The following RBM39 variants were observed in gnomAD, a reference collection of about 807,000 sequenced individuals.
RBM39 encodes the protein RNA-binding protein 39.
A neutral mutation model predicts 79.6 loss-of-function variants in RBM39; 12 were observed. That is an observed-to-expected ratio of 0.15 (90% confidence interval 0.10 to 0.24). The LOEUF (loss-of-function observed/expected upper bound fraction) is 0.24, where lower values mean the gene tolerates loss of function less well. RBM39 is among the 10% of genes least tolerant of loss of function. RBM39 has a pLI of 1.00. For missense variants in RBM39, 243 were observed against 653.4 expected (o/e 0.37, Z 6.85); for synonymous variants, 185 against 208.4 (o/e 0.89, Z 0.97).
chr20:35,740,335 T>C (rs2040388600), intron 2 of RBM39: 4 of 312,684 alleles, frequency 1.3e-5, no homozygotes, highest in African/African-American at 8.8e-5. Flanking sequence ...ATCTCACCCA[T>C]TTCTTCTTAT....
At position 35,701,982 on chromosome 20, in the gene RBM39, G is replaced by C. The variant is rs2035306577; in HGVS notation, c.*2499C>G. ...GTAAAAAAAAATAGAAACTTCTGTA[G>C]CTTCTCAACTGGCTAAATTCCAGAT... On this transcript the variant is annotated 3_prime_UTR_variant, in exon 17 of 17. Coordinates refer to ENST00000253363, the MANE Select transcript of RBM39 (RefSeq NM_184234.3). The C allele has an allele frequency of 6.6e-6, 1 of 152,104 alleles. No individual in the cohort carries two copies. Among genetic ancestry groups the C allele is most frequent in the Non-Finnish European group, 1.5e-5 (1 of 68,024 alleles). The allele number at this position is 152,104 out of a possible 1,614,324, so 9.4% of individuals were successfully genotyped here.
chr20:35,729,472 T>C lies in RBM39; in HGVS notation c.352A>G (p.Ile118Val), dbSNP rs137904266. 2.5e-6 allele frequency: 4 copies of C among 1,613,648 alleles called. No individual in the cohort carries two copies. The African/African-American group carries it at 4.0e-5, about 16-fold the overall frequency. Residue 118 changes from isoleucine to valine, a missense_variant, in exon 5 of 17, where the codon ATC (isoleucine) becomes GTC (valine). This residue lies in a region of RBM39 where 115 missense variants were observed against 184.1 expected (regional missense o/e 0.62). Coordinates refer to ENST00000253363, the MANE Select transcript of RBM39 (RefSeq NM_184234.3). The stretch of plus-strand genomic sequence containing the variant: ...AGTATGTTTAAAAACCTTAATTTGA[T>C]GCTATGAGGCAACCCAATCTTTCCT... Reference protein sequence around the residue: ...IRGKIGLPHSIKLSRRRSRSK... With the variant: ...IRGKIGLPHSVKLSRRRSRSK...
chr20:35,705,446 A>T, intron 14 of RBM39, 116 bp from the exon 15 acceptor site: 1 of 640,782 alleles, frequency 1.6e-6, no homozygotes, highest in Non-Finnish European at 2.6e-6. Flanking sequence ...TTGGAAAAAA[A>T]GCACATTGAC....
intron 3 of RBM39, chr20:35,734,715 G>A (rs939416634): frequency 3.0e-5 from 28 of 925,752 alleles, no homozygotes; most frequent in Non-Finnish European, 3.9e-5. Context: ...GGCAACCCCA[G>A]GCAGGTAAAA....
intron 8 of RBM39, among the ~76,000 whole-genome samples, chr20:35,723,415 C>T (rs1194984992): frequency 6.6e-6 from 1 of 152,142 alleles, no homozygotes; most frequent in Non-Finnish European, 1.5e-5. Flanking sequence ...AGTTTGTCTT[C>T]CAACATAGGA....
Position 35,726,361 on chromosome 20 carries a change from G to C in RBM39, c.417-1206C>G, listed in dbSNP as rs528693466. Among the ~76,000 whole-genome samples the C allele has an allele frequency of 6.6e-5, 10 of 150,832 alleles. No individual in the cohort carries two copies. The South Asian group carries it at 1.3e-3, about 19-fold the overall frequency. Reference sequence around the variant, plus strand: ...TTAGCCAGGATGGTCTTGATCTCCTGATCTCGTGATCCACCCGCCTCGGCC... The same window carrying C: ...TTAGCCAGGATGGTCTTGATCTCCTCATCTCGTGATCCACCCGCCTCGGCC... On this transcript the variant is annotated intron_variant, in intron 6 of 16. Coordinates refer to ENST00000253363, the MANE Select transcript of RBM39 (RefSeq NM_184234.3).
chr20:35,712,208 T>C (rs1181400585), intron 12 of RBM39, among the ~76,000 whole-genome samples: 1 of 151,882 alleles, frequency 6.6e-6, no homozygotes, highest in Admixed American at 6.6e-5. Flanking sequence ...GTGGCTCACA[T>C]CTGTAAGCCC....
chr20:35,734,969 G>A, intron 3 of RBM39: 1 of 1,609,862 alleles, frequency 6.2e-7, no homozygotes, highest in Admixed American at 1.7e-5. Flanking sequence ...ATGGTCCACT[G>A]GGCTGGGCCT....
chr20:35,736,388 A>G (rs2039906317), intron 3 of RBM39: 3 of 293,036 alleles, frequency 1.0e-5, no homozygotes, highest in South Asian at 9.9e-5. Flanking sequence ...TCTACAAATT[A>G]TATCATTTTT....
intron 6 of RBM39, among the ~76,000 whole-genome samples, chr20:35,728,416 T>C (rs1470341260): frequency 6.6e-6 from 1 of 152,186 alleles, no homozygotes; most frequent in African/African-American, 2.4e-5. Context: ...ACATAATCAT[T>C]ACATGTCCAT....
intron 13 of RBM39, 85 bp from the exon 14 acceptor site, chr20:35,707,286 C>T: frequency 1.3e-6 from 1 of 787,422 alleles, no homozygotes; most frequent in Non-Finnish European, 2.0e-6. Context: ...ACCAAAAACC[C>T]ACCCCAAGCA....
intron 3 of RBM39, chr20:35,736,565 G>A (rs1197782953): frequency 4.2e-6 from 2 of 470,756 alleles, no homozygotes; most frequent in East Asian, 6.9e-5. Flanking sequence ...AGCATTTAGG[G>A]ATCTTAGGAG....
rs769718264 is a variant in RBM39, at chr20:35,704,761, A to G, written c.1414-15T>C. ...TACACATTGCCCTACAGAAAAAATG[A>G]AAAAAAAGGTAAAGATGTTGCTGTA... On this transcript the variant is annotated splice_polypyrimidine_tract_variant and intron_variant, in intron 15 of 16. Transcript: ENST00000253363. 5.0e-6 allele frequency: 8 copies of G among 1,600,306 alleles called. No individual in the cohort carries two copies. In the African/African-American group the frequency reaches 9.4e-5, roughly 19 times the overall value.
chr20:35,728,093 T>C (rs1349510130), intron 6 of RBM39, among the ~76,000 whole-genome samples: 3 of 152,206 alleles, frequency 2.0e-5, no homozygotes, highest in African/African-American at 7.2e-5. Context: ...GGCCTACAAT[T>C]CTTATTTTTA....
Position 35,705,962 on chromosome 20 carries a change from G to GAAGCTGAGGCGGGCACATCACTTGAGGT in RBM39, c.1308-660_1308-633dup, listed in dbSNP as rs2035678230. 2.0e-5 allele frequency among the ~76,000 whole-genome samples: 3 copies of GAAGCTGAGGCGGGCACATCACTTGAGGT among 152,254 alleles called. No individual in the cohort carries two copies. In the South Asian group the frequency reaches 6.2e-4, roughly 32 times the overall value. ...CATGCCTGTAATTTCAGCACTTTGG[G>GAAGCTGAGGCGGGCACATCACTTGAGGT]AAGCTGAGGCGGGCACATCACTTGA... On this transcript the variant is annotated intron_variant, in intron 14 of 16. Coordinates refer to ENST00000253363, the MANE Select transcript of RBM39 (RefSeq NM_184234.3).
At chr20:35,722,172 C>T (rs1165425190) in intron 8 of RBM39, among the ~76,000 whole-genome samples, 2 of 152,042 alleles carry the variant, frequency 1.3e-5, no homozygotes, top group Admixed American at 1.3e-4. Flanking sequence ...CTTTAGTAGG[C>T]TAAAGCAGCC....
Position 35,716,306 on chromosome 20 carries a change from T to G in RBM39, c.891+434A>C, listed in dbSNP as rs565576123. Among the ~76,000 whole-genome samples, 7 of 152,284 alleles carry G rather than the reference T, an allele frequency of 4.6e-5. No individual in the cohort carries two copies. In the East Asian group the frequency reaches 1.3e-3, roughly 29 times the overall value. On this transcript the variant is annotated intron_variant, in intron 10 of 16. Coordinates refer to ENST00000253363, the MANE Select transcript of RBM39 (RefSeq NM_184234.3). ...CCAGGCTGGTCTCAAACTCCTAATC[T>G]CAGGTGATCCACCCGCCTCGGCCTC... is the stretch of plus-strand genomic sequence containing the variant.
rs766187634 is a variant in RBM39 at position 35,713,110 on chromosome 20, G to C, written c.1097-14C>G. 2 of 1,609,280 alleles carry C rather than the reference G, an allele frequency of 1.2e-6. No homozygotes were observed. The highest frequency in any genetic ancestry group is 1.1e-5 in the South Asian group (1 of 90,640). On this transcript the variant is annotated splice_polypyrimidine_tract_variant and intron_variant, in intron 11 of 16. Transcript: ENST00000253363. ...GCAAACCTGTACCTGTAAAAGAATA[G>C]TCTTAAAGTTCCTACTATGTTGAGA...
At chr20:35,739,059 TA>T in intron 2 of RBM39, 42 bp from the exon 3 acceptor site, 1 of 1,523,652 alleles carries the variant, frequency 6.6e-7, no homozygotes, top group Non-Finnish European at 9.1e-7. Flanking sequence ...GACGAAGTGG[TA>T]ACATTTCAAG....
Sources: gnomAD v4.1 joint callset for allele counts (sites outside exome capture counted in the v4.1 genomes callset) on GRCh38, gnomAD v4.1.1 for gene constraint, gnomAD v4.1.1 regional missense constraint, MANE v1.5 for transcripts, NCBI Gene and HGNC (gene_info 2026-07-23, HGNC 2026-07-21) for gene names.